AMMECR1: variants seen among roughly 807,000 people sequenced by gnomAD.
AMMECR1 encodes nuclear protein AMMECR1.
Under a neutral mutation model 22.5 loss-of-function variants are expected in AMMECR1, and 3 were observed. The ratio of observed to expected loss-of-function variants is 0.13; its 90% confidence interval spans 0.06 to 0.35. The LOEUF is 0.35. Among genes scored for constraint, AMMECR1 ranks in the 10% least tolerant of loss-of-function variants. The pLI, the probability that AMMECR1 is intolerant of heterozygous loss-of-function variation, is 1.00. For missense variants in AMMECR1, 235 were observed against 278.7 expected (o/e 0.84, Z 1.12); for synonymous variants, 130 against 116.7 (o/e 1.11, Z -0.74).
At chrX:110,313,335 G>T (rs1346181897) in intron 1 of AMMECR1, among the ~76,000 whole-genome samples, 1 of 112,039 alleles carries the variant, frequency 8.9e-6, no homozygotes, top group Admixed American at 9.4e-5. Context: ...TATGTGCTAT[G>T]GTCTATACAA....
At chrX:110,335,362 T>A (rs1014912987) in intron 2 of AMMECR1, among the ~76,000 whole-genome samples, 1 of 111,298 alleles carries the variant, frequency 9.0e-6, no homozygotes, top group Non-Finnish European at 1.9e-5. Context: ...GGGAAAAAAA[T>A]GCCATGTAGT....
At chrX:110,299,153 T>G (rs189868544) in intron 1 of AMMECR1, among the ~76,000 whole-genome samples, 1 of 111,815 alleles carries the variant, frequency 8.9e-6, no homozygotes, top group East Asian at 2.8e-4. Flanking sequence ...TTATAAACTA[T>G]GCAGTAACTC....
chrX:110,402,837 G>A (rs1191279795), intron 2 of AMMECR1, among the ~76,000 whole-genome samples: 2 of 112,135 alleles, frequency 1.8e-5, no homozygotes, highest in South Asian at 3.8e-4. Flanking sequence ...CCTGAAAGGG[G>A]GGTGTCTCCT....
chrX:110,378,925 C>T (rs961778846), intron 2 of AMMECR1, among the ~76,000 whole-genome samples: 4 of 110,096 alleles, frequency 3.6e-5, no homozygotes, highest in Non-Finnish European at 7.6e-5. Context: ...CACCCGTCCA[C>T]CCCCCACCCC....
At chrX:110,339,401 TAAAAAAAAAAA>T (rs10664998) in intron 2 of AMMECR1, among the ~76,000 whole-genome samples, 2 of 48,958 alleles carry the variant, frequency 4.1e-5, no homozygotes, top group African/African-American at 1.3e-4. Context: ...TGGTTTGTTG[TAAAAAAAAAAA>T]AAAAAAAAAA....
chrX:110,348,634 G>A lies in AMMECR1; in HGVS notation c.-147-30785C>T, dbSNP rs182722354. 1.2e-4 allele frequency among the ~76,000 whole-genome samples: 13 copies of A among 111,946 alleles called. No homozygotes were observed. The East Asian group carries it at 3.6e-3, about 31-fold the overall frequency. The stretch of plus-strand genomic sequence containing the variant: ...ATTGTATTGCTATTAAGAAGAATGA[G>A]GTAGATTTTTATTCAAATGGAAAGA... On this transcript the variant is annotated intron_variant, in intron 2 of 7. Coordinates refer to the AMMECR1 transcript ENST00000372057.
chrX:110,295,059 G>A (rs2067928208), intron 1 of AMMECR1, among the ~76,000 whole-genome samples: 1 of 110,466 alleles, frequency 9.1e-6, no homozygotes. Flanking sequence ...TTTTATTGAT[G>A]TGCCATAATT....
intron 2 of AMMECR1, among the ~76,000 whole-genome samples, chrX:110,218,606 A>AT (rs2067486007): frequency 9.4e-6 from 1 of 105,900 alleles, no homozygotes; most frequent in Non-Finnish European, 1.9e-5. Flanking sequence ...AGTTATAGTA[A>AT]TACAGTCACT....
intron 1 of AMMECR1, among the ~76,000 whole-genome samples, chrX:110,271,567 A>C (rs1376992013): frequency 1.8e-5 from 2 of 112,139 alleles, no homozygotes; most frequent in Admixed American, 9.4e-5. Flanking sequence ...AGAGCAAATC[A>C]ACAATTTTCA....
intron 1 of AMMECR1, among the ~76,000 whole-genome samples, chrX:110,428,643 C>G (rs2068772091): frequency 9.0e-6 from 1 of 111,067 alleles, no homozygotes; most frequent in Admixed American, 9.6e-5. Flanking sequence ...CACAGTCACC[C>G]TATCCCTCCC....
At chrX:110,435,049 A>G (rs1208855736) in intron 1 of AMMECR1, among the ~76,000 whole-genome samples, 1 of 90,446 alleles carries the variant, frequency 1.1e-5, no homozygotes, top group Non-Finnish European at 2.2e-5. Flanking sequence ...GGAGAAAGGG[A>G]GGAAAGAAGG....
chrX:110,196,090 A>T lies in AMMECR1; in HGVS notation c.*2430T>A, dbSNP rs763806728. The T allele has an allele frequency of 1.8e-5, 2 of 112,192 alleles. No homozygotes were observed. Among genetic ancestry groups the T allele is most frequent in the Admixed American group, 9.4e-5 (1 of 10,610 alleles). 9.2% of individuals were successfully genotyped at this position (112,192 alleles called of 1,213,427 possible). ...AACATCTGCATATATCAAGGATTTT[A>T]AAAAATCTGATATGATTTTAGAGTC... On this transcript the variant is annotated 3_prime_UTR_variant, in exon 6 of 6. Coordinates refer to ENST00000262844, the MANE Select transcript of AMMECR1 (RefSeq NM_015365.3).
chrX:110,358,284 T>C (rs1004526868), intron 2 of AMMECR1, among the ~76,000 whole-genome samples: 1 of 111,450 alleles, frequency 9.0e-6, no homozygotes, highest in Non-Finnish European at 1.9e-5. Context: ...TTTTTGCACC[T>C]TTTTAGTTTG....
chrX:110,391,758 G>C (rs751523104), intron 2 of AMMECR1, among the ~76,000 whole-genome samples: 19 of 112,239 alleles, frequency 1.7e-4, no homozygotes, highest in Non-Finnish European at 3.2e-4. Flanking sequence ...CAACTCTCTT[G>C]TGCCAGACAC....
chrX:110,437,923 C>T (rs1169847762), intron 1 of AMMECR1, among the ~76,000 whole-genome samples: 2 of 111,798 alleles, frequency 1.8e-5, no homozygotes, highest in Non-Finnish European at 3.8e-5. Flanking sequence ...TCCCCTATCT[C>T]TTATCCTGTG....
At chrX:110,439,847 C>T (rs952813185) in intron 1 of AMMECR1, 1 of 111,039 alleles carries the variant, frequency 9.0e-6, no homozygotes, top group Non-Finnish European at 1.9e-5. Context: ...TCCTCTCCCC[C>T]TCCCCAAAAG....
chrX:110,229,774 A>G (rs2067552971), intron 2 of AMMECR1, among the ~76,000 whole-genome samples: 1 of 111,988 alleles, frequency 8.9e-6, no homozygotes, highest in Admixed American at 9.4e-5. Flanking sequence ...GTGACAGACT[A>G]CCTGGAAAAG....
At chrX:110,244,305 C>T (rs2067647507) in intron 2 of AMMECR1, among the ~76,000 whole-genome samples, 1 of 111,573 alleles carries the variant, frequency 9.0e-6, no homozygotes, top group Non-Finnish European at 1.9e-5. Context: ...TTAATACAAG[C>T]AGCCCGAGTC....
At chrX:110,384,817 C>G (rs1473321237) in intron 2 of AMMECR1, among the ~76,000 whole-genome samples, 1 of 110,649 alleles carries the variant, frequency 9.0e-6, no homozygotes, top group Non-Finnish European at 1.9e-5. Context: ...AGGTGCATAC[C>G]CTTCCTGAAA....
Sources: gnomAD v4.1 joint callset for allele counts (sites outside exome capture counted in the v4.1 genomes callset) on GRCh38, gnomAD v4.1.1 for gene constraint, MANE v1.5 for transcripts, NCBI Gene and HGNC (gene_info 2026-07-23, HGNC 2026-07-21) for gene names.